The following EPHA6 variants were observed in gnomAD, a reference collection of about 807,000 sequenced individuals.
The protein encoded by EPHA6 is ephrin type-A receptor 6.
Under a neutral mutation model 112.0 loss-of-function variants are expected in EPHA6, and 50 were observed. That is an observed-to-expected ratio of 0.45 (90% CI 0.36 to 0.56). The LOEUF (loss-of-function observed/expected upper bound fraction) is 0.56. Among genes scored for constraint, EPHA6 ranks in the 20% least tolerant of loss-of-function variants. The pLI, the probability that EPHA6 is intolerant of heterozygous loss-of-function variation, is 0.00. For missense variants in EPHA6, 1,280 were observed against 1,417.4 expected, an observed-to-expected ratio of 0.90 and a Z score of 1.56; for synonymous variants, 529 against 490.7, an observed-to-expected ratio of 1.08 and a Z score of -1.03.
intron 11 of EPHA6, among the ~76,000 whole-genome samples, chr3:97,541,040 A>T (rs1186077220): frequency 6.6e-6 from 1 of 152,200 alleles, no homozygotes; most frequent in African/African-American, 2.4e-5. Context: ...CAAGTTTCTA[A>T]TGGTCTTATG....
At chr3:97,250,876 T>TC (rs1440379682) in intron 5 of EPHA6, among the ~76,000 whole-genome samples, 3 of 151,822 alleles carry the variant, frequency 2.0e-5, no homozygotes, top group Non-Finnish European at 2.9e-5. Flanking sequence ...TTTTTTTTTT[T>TC]CTCTTTTTTT....
chr3:96,887,712 T>C (rs1007360247), intron 2 of EPHA6, among the ~76,000 whole-genome samples: 1 of 152,058 alleles, frequency 6.6e-6, no homozygotes, highest in African/African-American at 2.4e-5. Context: ...GACCATCAGG[T>C]CAGGGCGGGG....
At chr3:96,824,710 T>C (rs2033528590) in intron 1 of EPHA6, among the ~76,000 whole-genome samples, 1 of 152,030 alleles carries the variant, frequency 6.6e-6, no homozygotes, top group Non-Finnish European at 1.5e-5. Flanking sequence ...GTACAGTTGG[T>C]AAGTTACCAT....
chr3:97,218,304 C>T (rs114925355), intron 3 of EPHA6, among the ~76,000 whole-genome samples: 16 of 152,132 alleles, frequency 1.1e-4, no homozygotes, highest in African/African-American at 3.6e-4. Flanking sequence ...TCTTAGCTCT[C>T]AGTCTGTGTA....
intron 6 of EPHA6, among the ~76,000 whole-genome samples, chr3:97,423,489 A>G (rs1297242218): frequency 6.6e-6 from 1 of 152,170 alleles, no homozygotes; most frequent in Non-Finnish European, 1.5e-5. Flanking sequence ...AACGCTGCTC[A>G]AAAAAATTAC....
intron 5 of EPHA6, among the ~76,000 whole-genome samples, chr3:97,289,753 A>G (rs941753589): frequency 1.3e-5 from 2 of 151,820 alleles, no homozygotes; most frequent in Non-Finnish European, 2.9e-5. Flanking sequence ...TGTTTTTTGT[A>G]GTTCTGCTTG....
chr3:97,381,865 A>G (rs1176775903), intron 5 of EPHA6, among the ~76,000 whole-genome samples: 1 of 152,116 alleles, frequency 6.6e-6, no homozygotes, highest in Non-Finnish European at 1.5e-5. Flanking sequence ...TTCAGAGTCC[A>G]AAAGACTGCT....
At chr3:96,881,071 G>A (rs1265184611) in intron 2 of EPHA6, among the ~76,000 whole-genome samples, 1 of 152,100 alleles carries the variant, frequency 6.6e-6, no homozygotes, top group Non-Finnish European at 1.5e-5. Flanking sequence ...CCAATTCTGT[G>A]TTTAGCTTTA....
At chr3:97,132,122 C>G (rs62265080) in intron 3 of EPHA6, among the ~76,000 whole-genome samples, 7,526 of 152,062 alleles carry the variant, frequency 0.049, 259 homozygotes, top group Middle Eastern at 0.13. Flanking sequence ...ATAAAAACAA[C>G]AAATATGTAC....
Position 97,556,471 on chromosome 3 carries a change from TGGCACAGCAA to T in EPHA6, c.2386+23931_2386+23940del, listed in dbSNP as rs2093111652. ...GGAAGCAAGCATGTCCTTCTTCACA[TGGCACAGCAA>T]GGAGAAGTGCAGAGTGAAGCAGTAT... On this transcript the variant is annotated intron_variant, in intron 11 of 17. Transcript: ENST00000389672. Among the ~76,000 whole-genome samples the T allele has an allele frequency of 9.2e-5, 14 of 152,152 alleles. 1 individual carries two copies. The South Asian group carries it at 2.9e-3, about 32-fold the overall frequency.
intron 5 of EPHA6, among the ~76,000 whole-genome samples, chr3:97,358,040 A>G (rs1487877392): frequency 1.3e-5 from 2 of 152,064 alleles, no homozygotes; most frequent in African/African-American, 4.8e-5. Flanking sequence ...TGTAACTTTG[A>G]AAAACAATCT....
chr3:96,914,227 CAG>C (rs1400608737), intron 2 of EPHA6, among the ~76,000 whole-genome samples: 1 of 152,036 alleles, frequency 6.6e-6, no homozygotes, highest in Non-Finnish European at 1.5e-5. Flanking sequence ...TCCAAAATAT[CAG>C]GGGATATTGA....
intron 10 of EPHA6, among the ~76,000 whole-genome samples, chr3:97,526,057 T>C (rs1203498526): frequency 3.3e-5 from 5 of 152,126 alleles, no homozygotes; most frequent in African/African-American, 4.8e-5. Context: ...AAGGCTGAGA[T>C]CTTTAGCCCC....
At chr3:97,331,174 A>G (rs148693323) in intron 5 of EPHA6, among the ~76,000 whole-genome samples, 1 of 152,202 alleles carries the variant, frequency 6.6e-6, no homozygotes, top group Non-Finnish European at 1.5e-5. Flanking sequence ...TGAAGGCAGA[A>G]ATAAAGATGT....
chr3:96,964,052 T>A (rs1332924485), intron 2 of EPHA6, among the ~76,000 whole-genome samples: 2 of 152,104 alleles, frequency 1.3e-5, no homozygotes, highest in Admixed American at 1.3e-4. Context: ...TAGGTTTATA[T>A]ATTATGGGTA....
chr3:97,336,125 CA>C (rs1385682957), intron 5 of EPHA6, among the ~76,000 whole-genome samples: 7 of 152,052 alleles, frequency 4.6e-5, no homozygotes, highest in African/African-American at 1.2e-4. Context: ...TCCTAAAGCA[CA>C]ATTTCTAATC....
rs548901958 is a variant in EPHA6 at position 97,145,237 on chromosome 3, CTCTT to C, written c.1115-81023_1115-81020del. Reference sequence around the variant, plus strand: ...TTGACAGATGTACAATGAAATATAACTCTTTCTAAAGTTTTAACACAAGAGAACT... The same window carrying C: ...TTGACAGATGTACAATGAAATATAACTCTAAAGTTTTAACACAAGAGAACT... On this transcript the variant is annotated intron_variant, in intron 3 of 17. Coordinates refer to ENST00000389672, the MANE Select transcript of EPHA6 (RefSeq NM_001080448.3). Among the ~76,000 whole-genome samples, 47 of 151,174 alleles carry C rather than the reference CTCTT, an allele frequency of 3.1e-4. No homozygotes were observed. In the South Asian group the frequency reaches 4.4e-3, roughly 14 times the overall value.
In EPHA6 at chr3:97,010,958, T is replaced by C. The variant is rs148296091; in HGVS notation, c.1114+22965T>C. On this transcript the variant is annotated intron_variant, in intron 3 of 17. Coordinates refer to ENST00000389672, the MANE Select transcript of EPHA6 (RefSeq NM_001080448.3). ...TCTGAGAGAGATTGTTAGTAAAAAA[T>C]GTAGGGATGTGTATGTGGTGCGTGT... Among the ~76,000 whole-genome samples, 84 of 152,236 alleles carry C rather than the reference T, an allele frequency of 5.5e-4. 2 individuals are homozygous for C. The highest frequency in any genetic ancestry group is 4.1e-3 in the Admixed American group (63 of 15,274).
chr3:97,179,447 A>G (rs890160480), intron 3 of EPHA6, among the ~76,000 whole-genome samples: 2 of 151,990 alleles, frequency 1.3e-5, no homozygotes, highest in Non-Finnish European at 2.9e-5. Context: ...GTGTCTGGAC[A>G]CTGAATGGTT....
Sources: allele counts gnomAD v4.1 joint callset (sites outside exome capture counted in the v4.1 genomes callset), GRCh38; gene constraint gnomAD v4.1.1; transcripts MANE v1.5; gene names NCBI Gene and HGNC (gene_info 2026-07-23, HGNC 2026-07-21).